SLC22A5: variants seen among roughly 807,000 people sequenced by gnomAD.
SLC22A5 encodes solute carrier family 22 member 5.
SLC22A5 carries 44 observed loss-of-function variants against 56.7 expected under a neutral mutation model. That is an observed-to-expected ratio of 0.78 (90% CI 0.61 to 1.00). SLC22A5 has a LOEUF of 1.00. Ranked by LOEUF, SLC22A5 falls within the 50% of genes least tolerant of loss-of-function variation. The pLI, the probability that SLC22A5 is intolerant of heterozygous loss-of-function variation, is 0.00. For missense variants in SLC22A5, 675 were observed against 723.0 expected (o/e 0.93, Z 0.76); for synonymous variants, 278 against 292.1 (o/e 0.95, Z 0.49).
chr5:132,378,291 A>G, intron 1 of SLC22A5, 87 bp from the exon 2 acceptor site: 1 of 1,613,458 alleles, frequency 6.2e-7, no homozygotes, highest in Non-Finnish European at 8.5e-7. Flanking sequence ...GGATGGCAGG[A>G]TGTTCTGACT....
intron 6 of SLC22A5, 193 bp from the exon 7 acceptor site, chr5:132,390,497 C>T (rs1752659960): frequency 1.5e-6 from 1 of 673,048 alleles, no homozygotes; most frequent in African/African-American, 1.8e-5. Context: ...AGGGTTTACA[C>T]TGTACCACTT....
Position 132,394,269 on chromosome 5 carries a change from C to T in SLC22A5, c.1671C>T (p.Phe557=), listed in dbSNP as rs2126793329. 1 of 1,603,126 alleles carries T rather than the reference C, an allele frequency of 6.2e-7. No individual in the cohort carries two copies. Among genetic ancestry groups the T allele is most frequent in the Middle Eastern group, 1.7e-4 (1 of 6,048 alleles). Residue 557 remains phenylalanine, a synonymous_variant, in exon 10 of 10, where the codon TTC becomes TTT. Transcript: ENST00000245407. The part of the protein sequence containing the change: ...ERPTILKSTA[F] ...CCACAATCCTTAAAAGCACAGCCTT[C>T]TAACATCGCTTCCAGTAAGGGAGAA...
At chr5:132,394,087 C>A in intron 9 of SLC22A5, 98 bp from the exon 10 acceptor site, 1 of 894,250 alleles carries the variant, frequency 1.1e-6, no homozygotes, top group Non-Finnish European at 1.9e-6. Context: ...CTGCAGGATT[C>A]TCTTCCCAGG....
chr5:132,370,636 T>G (rs902580387), intron 1 of SLC22A5, among the ~76,000 whole-genome samples: 3 of 152,194 alleles, frequency 2.0e-5, no homozygotes, highest in African/African-American at 7.2e-5. Context: ...AGGAAGGTCC[T>G]GGCGGTCCCT....
intron 1 of SLC22A5, chr5:132,378,002 C>A: frequency 8.6e-7 from 1 of 1,162,368 alleles, no homozygotes; most frequent in Non-Finnish European, 1.2e-6. Flanking sequence ...GACGTTCATG[C>A]CAATGGCCTG....
chr5:132,384,218 C>T lies in SLC22A5; in HGVS notation c.569C>T (p.Ser190Leu), dbSNP rs766106506. The T allele has an allele frequency of 3.7e-6, 6 of 1,614,206 alleles. No individual in the cohort carries two copies. The highest frequency in any genetic ancestry group is 2.2e-5 in the East Asian group (1 of 44,890). The change falls in exon 3 of 10, where the codon TCG becomes TTG. Residue 190 changes from serine (S) to leucine (L), a missense_variant. Ser to Leu is a moderately radical substitution (Grantham distance 145). Coordinates refer to ENST00000245407, the MANE Select transcript of SLC22A5 (RefSeq NM_003060.4). Reference sequence around the variant, plus strand: ...GGCTTCAGCTTCCTGCAGATCTTCTCGAAGAATTTTGAGATGTTTGTCGTG... The same window carrying T: ...GGCTTCAGCTTCCTGCAGATCTTCTTGAAGAATTTTGAGATGTTTGTCGTG... ...QTGFSFLQIF[S>L]KNFEMFVVLF...
chr5:132,384,402 AGGGTT>A, intron 3 of SLC22A5, 101 bp downstream of exon 3: 5 of 1,259,956 alleles, frequency 4.0e-6, no homozygotes, highest in Non-Finnish European at 5.8e-6. Flanking sequence ...CAAGGGGGAC[AGGGTT>A]TCTAACAAAA....
intron 9 of SLC22A5, 22 bp downstream of exon 9, chr5:132,393,833 G>A: frequency 1.2e-6 from 2 of 1,614,034 alleles, no homozygotes. Flanking sequence ...TCCTCTGTCA[G>A]TGTTGATGCA....
In SLC22A5 at chr5:132,393,687, C is replaced by T. The variant is rs377216516; in HGVS notation, c.1462C>T (p.Arg488Cys). 44 of 1,614,036 alleles carry T rather than the reference C, an allele frequency of 2.7e-5. No homozygotes were observed. The highest frequency in any genetic ancestry group is 1.3e-4 in the Admixed American group (8 of 60,008). ...PYFVYLGAYDRFLPYILMGSL... is the reference protein window; with the variant it reads ...PYFVYLGAYDCFLPYILMGSL... ...CTGCTTTGCCATAGGTGCCTACGAC[C>T]GCTTCCTGCCCTACATTCTCATGGG... is the stretch of plus-strand genomic sequence containing the variant. The change falls in exon 9 of 10, where the codon CGC (arginine) becomes TGC (cysteine). Residue 488 changes from arginine to cysteine, a missense_variant. Physicochemically the swap from Arg to Cys is radical, Grantham distance 180 (BLOSUM62 -3). Transcript: ENST00000245407.
At chr5:132,378,015 C>A in intron 1 of SLC22A5, 1 of 1,304,428 alleles carries the variant, frequency 7.7e-7, no homozygotes, top group Non-Finnish European at 1.0e-6. Flanking sequence ...ATGGCCTGAA[C>A]CCCACTGAGC....
chr5:132,395,231 A>ATTTTC lies in SLC22A5; in HGVS notation c.*959_*960insTTTTC, dbSNP rs144261584. The stretch of plus-strand genomic sequence containing the variant: ...TGTGTCTTTTTTTTTTTTTTTTTAA[A>ATTTTC]ACAGAATCACTCTGGCAATTGTCTG... On this transcript the variant is annotated 3_prime_UTR_variant, in exon 10 of 10. Coordinates refer to ENST00000245407, the MANE Select transcript of SLC22A5 (RefSeq NM_003060.4). 1 of 146,436 alleles carries ATTTTC rather than the reference A, an allele frequency of 6.8e-6. No individual in the cohort carries two copies. Among genetic ancestry groups the ATTTTC allele is most frequent in the Non-Finnish European group, 1.5e-5 (1 of 66,546 alleles). 9.1% of individuals were successfully genotyped at this position (146,436 alleles called of 1,614,324 possible).
At chr5:132,374,640 G>A (rs1228724036) in intron 1 of SLC22A5, among the ~76,000 whole-genome samples, 5 of 152,054 alleles carry the variant, frequency 3.3e-5, no homozygotes, top group South Asian at 2.1e-4. Context: ...CACTATGCAC[G>A]TACATAGTAG....
chr5:132,388,838 G>T, intron 5 of SLC22A5, 83 bp from the exon 6 acceptor site: 2 of 881,996 alleles, frequency 2.3e-6, no homozygotes, highest in South Asian at 2.6e-5. Context: ...CAGCTAAGAT[G>T]CCAGGGATTC....
intron 1 of SLC22A5, 41 bp from the exon 2 acceptor site, chr5:132,378,337 A>T: frequency 1.2e-6 from 2 of 1,612,154 alleles, no homozygotes; most frequent in Non-Finnish European, 1.7e-6. Flanking sequence ...AAAACCTTTT[A>T]AAAAGAAGTG....
chr5:132,374,911 C>G (rs904922727), intron 1 of SLC22A5, among the ~76,000 whole-genome samples: 1 of 152,088 alleles, frequency 6.6e-6, no homozygotes, highest in Admixed American at 6.5e-5. Context: ...AAAAATTAGC[C>G]AGGCTGGTGG....
Position 132,378,484 on chromosome 5 carries a change from A to G in SLC22A5, c.497+3A>G. ...ATTTCAGGGCAGCTGTCAGACAGGT[A>G]AGGTGTCTGTCTTCTGGAGCACCAG... is the stretch of plus-strand genomic sequence containing the variant. On this transcript the variant is annotated splice_donor_region_variant and intron_variant, in intron 2 of 9. Transcript: ENST00000245407. The G allele has an allele frequency of 6.2e-7, 1 of 1,608,104 alleles. No individual in the cohort carries two copies. Among genetic ancestry groups the G allele is most frequent in the African/African-American group, 1.3e-5 (1 of 74,920 alleles).
chr5:132,387,224 A>T (rs1199776577), intron 5 of SLC22A5, 73 bp downstream of exon 5: 4 of 1,578,684 alleles, frequency 2.5e-6, no homozygotes, highest in Non-Finnish European at 3.5e-6. Context: ...CCAGCCCTGA[A>T]GTCCTCCCTG....
rs1047810495 is a variant in SLC22A5 at position 132,388,945 on chromosome 5, C to T, written c.976C>T (p.Gln326Ter). 3 of 1,613,304 alleles carry T rather than the reference C, an allele frequency of 1.9e-6. No individual in the cohort carries two copies. The African/African-American group carries it at 4.0e-5, about 22-fold the overall frequency. Residue 326 changes from glutamine to a stop codon, truncating the protein, a stop_gained, in exon 6 of 10, where the codon CAG becomes TAG. Transcript: ENST00000245407. LOFTEE classifies it high-confidence loss of function. ...SELQDLSSKKQQSHNILDLLR... is the reference protein window; with the variant it reads ...SELQDLSSKK ...GTTACAAGACCTAAGTTCCAAGAAG[C>T]AGCAGTCCCACAACATTCTGGATCT...
intron 3 of SLC22A5, among the ~76,000 whole-genome samples, chr5:132,384,795 G>A (rs912231133): frequency 2.2e-4 from 33 of 152,172 alleles, no homozygotes; most frequent in African/African-American, 7.0e-4. Flanking sequence ...TCACCTTCAG[G>A]GTTTTAATTC....
Sources: allele counts gnomAD v4.1 joint callset (sites outside exome capture counted in the v4.1 genomes callset), GRCh38; gene constraint gnomAD v4.1.1; transcripts MANE v1.5; gene names NCBI Gene and HGNC (gene_info 2026-07-23, HGNC 2026-07-21).